The following NEBL variants were observed in gnomAD, a reference collection of about 807,000 sequenced individuals.
NEBL encodes nebulette, also known as LIM and SH3 protein 2.
In NEBL, 122 loss-of-function variants were observed where a neutral mutation model predicts 140.2. The observed-to-expected ratio is 0.87, with a 90% CI of 0.75 to 1.01. The LOEUF (loss-of-function observed/expected upper bound fraction) is 1.01, where lower values mean the gene tolerates loss of function less well. Among genes scored for constraint, NEBL ranks in the 50% least tolerant of loss-of-function variants. The probability of loss-of-function intolerance (pLI) is 0.00; values close to 1 mark genes in which losing one functional copy is unlikely to be tolerated. For synonymous variants in NEBL, 436 were observed against 398.9 expected, an observed-to-expected ratio of 1.09 and a Z score of -1.11; for missense variants, 1,365 against 1,231.3, an observed-to-expected ratio of 1.11 and a Z score of -1.62.
intron 3 of NEBL, among the ~76,000 whole-genome samples, chr10:21,233,837 G>GGATATATATTACATATATA (rs879390289): frequency 6.8e-5 from 8 of 117,894 alleles, no homozygotes; most frequent in African/African-American, 2.1e-4. Context: ...GCATATATAT[G>GGATATATATTACATATATA]GATATATATT....
intron 12 of NEBL, among the ~76,000 whole-genome samples, chr10:20,845,006 A>C (rs1460590323): frequency 6.6e-6 from 1 of 152,262 alleles, no homozygotes; most frequent in African/African-American, 2.4e-5. Context: ...CTAAAACAAA[A>C]AACTAGGCTG....
intron 3 of NEBL, among the ~76,000 whole-genome samples, chr10:21,212,922 G>A (rs1841939853): frequency 6.6e-6 from 1 of 152,080 alleles, no homozygotes; most frequent in Non-Finnish European, 1.5e-5. Flanking sequence ...CTATGGCTTT[G>A]GAGAAAATAC....
Position 20,830,464 on chromosome 10 carries a change from A to C in NEBL, c.1671+732T>G, listed in dbSNP as rs114742012. Among the ~76,000 whole-genome samples, 1,491 of 152,266 alleles carry C rather than the reference A, an allele frequency of 9.8e-3. 30 individuals carry two copies. The highest frequency in any genetic ancestry group is 0.035 in the African/African-American group (1,434 of 41,550). Reference sequence around the variant, plus strand: ...TCTTCTTCCATAAATTTTTGTGGTCACTACTTCTCCCACATCCAGCTTTGT... The same window carrying C: ...TCTTCTTCCATAAATTTTTGTGGTCCCTACTTCTCCCACATCCAGCTTTGT... On this transcript the variant is annotated intron_variant, in intron 16 of 27. Transcript: ENST00000377122.
chr10:20,807,141 A>G (rs539770649), intron 26 of NEBL, among the ~76,000 whole-genome samples: 2 of 152,206 alleles, frequency 1.3e-5, no homozygotes, highest in African/African-American at 2.4e-5. Context: ...CATGGACAAC[A>G]TTGCGAGACC....
At chr10:20,878,513 T>A (rs550307617) in intron 5 of NEBL, among the ~76,000 whole-genome samples, 1 of 152,212 alleles carries the variant, frequency 6.6e-6, no homozygotes, top group Non-Finnish European at 1.5e-5. Context: ...TTGTCTTTTA[T>A]AGAGATTCCA....
chr10:21,186,257 A>AACAC (rs765894739), intron 3 of NEBL, among the ~76,000 whole-genome samples: 6,075 of 124,750 alleles, frequency 0.049, 173 homozygotes, highest in African/African-American at 0.08. Context: ...TATATATACA[A>AACAC]ACACACACAC....
chr10:21,065,248 T>C (rs1192842210), intron 2 of NEBL, among the ~76,000 whole-genome samples: 1 of 152,236 alleles, frequency 6.6e-6, no homozygotes, highest in African/African-American at 2.4e-5. Context: ...GTTTGTTTTG[T>C]ATTTAAGTCA....
At chr10:20,867,819 A>G (rs1192503989) in intron 7 of NEBL, 1 of 152,078 alleles carries the variant, frequency 6.6e-6, no homozygotes, top group Non-Finnish European at 1.5e-5. Flanking sequence ...CTTTTATCAT[A>G]TATTAAATTC....
chr10:20,787,135 T>A (rs1835477891), intron 27 of NEBL, 67 bp downstream of exon 27: 1 of 1,148,174 alleles, frequency 8.7e-7, no homozygotes, highest in Non-Finnish European at 1.3e-6. Context: ...CTATTCCACA[T>A]GTATTTACAT....
At chr10:20,930,122 G>C (rs1219693715) in intron 4 of NEBL, among the ~76,000 whole-genome samples, 2 of 151,952 alleles carry the variant, frequency 1.3e-5, no homozygotes, top group African/African-American at 4.8e-5. Flanking sequence ...CAGCTTAACG[G>C]CCACCTCCAT....
intron 2 of NEBL, among the ~76,000 whole-genome samples, chr10:21,143,379 G>T (rs1839735689): frequency 6.7e-6 from 1 of 148,310 alleles, no homozygotes; most frequent in Admixed American, 6.8e-5. Context: ...AACCCGGGAC[G>T]TGGAGGTTGC....
Position 20,785,661 on chromosome 10 carries a change from A to G in NEBL, c.*86T>C. ...GATACATCATTGTAAAATAATGGCCAAGTTGTCTTAAAAGTATCTTCTATC... is the reference window on the plus strand; with the variant it reads ...GATACATCATTGTAAAATAATGGCCGAGTTGTCTTAAAAGTATCTTCTATC... On this transcript the variant is annotated 3_prime_UTR_variant, in exon 28 of 28. Transcript: ENST00000377122. 1 of 1,452,282 alleles carries G rather than the reference A, an allele frequency of 6.9e-7. No individual in the cohort carries two copies. Among genetic ancestry groups the G allele is most frequent in the Non-Finnish European group, 9.5e-7 (1 of 1,058,046 alleles). 90.0% of individuals were successfully genotyped at this position (1,452,282 alleles called of 1,614,324 possible). A position where few individuals can be genotyped will look rare whatever the true frequency, so the allele number is the denominator to read the frequency against.
At chr10:21,165,638 G>A (rs186054517) in intron 2 of NEBL, among the ~76,000 whole-genome samples, 7 of 152,256 alleles carry the variant, frequency 4.6e-5, no homozygotes, top group South Asian at 2.1e-4. Flanking sequence ...TCTCGTCTAC[G>A]TGCCAGGCTT....
intron 3 of NEBL, among the ~76,000 whole-genome samples, chr10:21,195,397 G>A (rs1158474952): frequency 6.6e-6 from 1 of 152,160 alleles, no homozygotes; most frequent in Non-Finnish European, 1.5e-5. Context: ...TTGTCAGGGT[G>A]ATGTTCAGCC....
At chr10:21,236,458 A>G (rs1002201885) in intron 3 of NEBL, among the ~76,000 whole-genome samples, 1 of 149,180 alleles carries the variant, frequency 6.7e-6, no homozygotes, top group Non-Finnish European at 1.5e-5. Context: ...AGCAATTCTC[A>G]TACCTCAGCC....
At chr10:20,844,743 G>T (rs1416769912) in intron 12 of NEBL, among the ~76,000 whole-genome samples, 1 of 151,902 alleles carries the variant, frequency 6.6e-6, no homozygotes, top group Non-Finnish European at 1.5e-5. Context: ...AAGTAATGTA[G>T]CATTTATCCA....
At chr10:21,120,393 C>CATATATATATATAT (rs1201775144) in intron 2 of NEBL, among the ~76,000 whole-genome samples, 1,118 of 59,296 alleles carry the variant, frequency 0.019, 30 homozygotes, top group Non-Finnish European at 0.023. Flanking sequence ...AAAAAAAATA[C>CATATATATATATAT]ATATATATAT....
intron 2 of NEBL, among the ~76,000 whole-genome samples, chr10:21,113,887 T>C (rs1838161165): frequency 6.6e-6 from 1 of 152,064 alleles, no homozygotes; most frequent in Non-Finnish European, 1.5e-5. Context: ...TTTTCTCTAT[T>C]ATTTTTGTTT....
chr10:20,936,950 C>A (rs145782063), intron 4 of NEBL, among the ~76,000 whole-genome samples: 1 of 152,118 alleles, frequency 6.6e-6, no homozygotes. Context: ...TCAAACATCC[C>A]GTTTTTTGCC....
Sources: gnomAD v4.1 joint callset for allele counts (sites outside exome capture counted in the v4.1 genomes callset) on GRCh38, gnomAD v4.1.1 for gene constraint, MANE v1.5 for transcripts, NCBI Gene and HGNC (gene_info 2026-07-23, HGNC 2026-07-21) for gene names.